Variants in SLC26A7 observed in about 807,000 individuals in gnomAD.
SLC26A7 encodes solute carrier family 26 member 7, also known as anion exchange transporter.
In SLC26A7, 59 loss-of-function variants were observed where a neutral mutation model predicts 82.5. The ratio of observed to expected loss-of-function variants is 0.72; its 90% confidence interval spans 0.58 to 0.89. The LOEUF is 0.89. SLC26A7 is among the 40% of genes least tolerant of loss of function. SLC26A7 has a pLI of 0.00. For missense variants in SLC26A7, 820 were observed against 793.0 expected, an observed-to-expected ratio of 1.03 and a Z score of -0.41; for synonymous variants, 271 against 274.3, an observed-to-expected ratio of 0.99 and a Z score of 0.12.
intron 2 of SLC26A7, among the ~76,000 whole-genome samples, chr8:91,221,924 TTGA>T (rs1189396463): frequency 6.6e-6 from 1 of 152,178 alleles, no homozygotes. Context: ...CAATGGTAGT[TTGA>T]TGGGAATAGC....
intron 2 of SLC26A7, among the ~76,000 whole-genome samples, chr8:91,242,425 C>G (rs2130686911): frequency 6.6e-6 from 1 of 152,152 alleles, no homozygotes; most frequent in Non-Finnish European, 1.5e-5. Context: ...GGCCTATATA[C>G]AGCATTCTTA....
intron 14 of SLC26A7, among the ~76,000 whole-genome samples, chr8:91,367,769 G>A (rs946708059): frequency 1.3e-5 from 2 of 152,162 alleles, no homozygotes; most frequent in Non-Finnish European, 2.9e-5. Context: ...TCTCCATGAA[G>A]CTTTCCTTGA....
intron 14 of SLC26A7, among the ~76,000 whole-genome samples, chr8:91,368,420 T>TTG (rs942710574): frequency 1.1e-4 from 17 of 150,012 alleles, no homozygotes; most frequent in Admixed American, 5.3e-4. Flanking sequence ...GAGGTTTTTT[T>TTG]TTTTGTTTTT....
At chr8:91,252,792 T>C (rs1276862415) in intron 2 of SLC26A7, among the ~76,000 whole-genome samples, 2 of 152,172 alleles carry the variant, frequency 1.3e-5, no homozygotes, top group South Asian at 4.1e-4. Context: ...TGTGATTATA[T>C]TTTGGCCAAG....
intron 5 of SLC26A7, among the ~76,000 whole-genome samples, chr8:91,322,759 C>A (rs530169767): frequency 1.8e-4 from 28 of 152,192 alleles, no homozygotes; most frequent in African/African-American, 6.5e-4. Context: ...ATATATTAAA[C>A]CCAAGAGCAA....
intron 5 of SLC26A7, among the ~76,000 whole-genome samples, chr8:91,329,222 G>A (rs1335636732): frequency 5.4e-5 from 8 of 148,530 alleles, no homozygotes; most frequent in African/African-American, 7.6e-5. Context: ...TATTAAATAA[G>A]CATATGTAAA....
chr8:91,278,329 C>T (rs1476181024), intron 2 of SLC26A7, among the ~76,000 whole-genome samples: 1 of 152,030 alleles, frequency 6.6e-6, no homozygotes, highest in Non-Finnish European at 1.5e-5. Context: ...TGAATTGATG[C>T]ATAAGAGATG....
Position 91,249,599 on chromosome 8 carries a change from T to C in SLC26A7, c.-53T>C, listed in dbSNP as rs935962081. 2 of 1,427,300 alleles carry C rather than the reference T, an allele frequency of 1.4e-6. No homozygotes were observed. The highest frequency in any genetic ancestry group is 5.2e-5 in the Admixed American group (2 of 38,510). 88.4% of individuals were successfully genotyped at this position (1,427,300 alleles called of 1,614,324 possible). On this transcript the variant is annotated 5_prime_UTR_variant, in exon 2 of 19. The change abolishes an upstream ATG in the 5' untranslated region. Coordinates refer to ENST00000276609, the MANE Select transcript of SLC26A7 (RefSeq NM_052832.4). ...GGCATTGAAAGGAGGTGTTCTGCAA[T>C]GATTTTTTTTCTTGTTTAGAGAAGT...
At chr8:91,280,237 C>A (rs759335054) in intron 2 of SLC26A7, among the ~76,000 whole-genome samples, 2 of 152,112 alleles carry the variant, frequency 1.3e-5, no homozygotes, top group Non-Finnish European at 2.9e-5. Context: ...ATAGTTTCAC[C>A]TTTTATGTGG....
intron 2 of SLC26A7, among the ~76,000 whole-genome samples, chr8:91,233,762 AGTTCACCTATGCTTTG>A (rs554077442): frequency 1.3e-5 from 2 of 152,298 alleles, no homozygotes; most frequent in Admixed American, 1.3e-4. Flanking sequence ...TTTTATTTTC[AGTTCACCTATGCTTTG>A]GTCATAGAGT....
chr8:91,355,041 C>T (rs1293300170), intron 11 of SLC26A7, among the ~76,000 whole-genome samples: 1 of 152,056 alleles, frequency 6.6e-6, no homozygotes, highest in Admixed American at 6.6e-5. Flanking sequence ...TGCTTGTTTT[C>T]ATACTAGAAG....
chr8:91,393,824 G>A lies in SLC26A7; in HGVS notation c.1804G>A (p.Val602Met). 1 of 1,613,724 alleles carries A rather than the reference G, an allele frequency of 6.2e-7. No homozygotes were observed. Among genetic ancestry groups the A allele is most frequent in the Non-Finnish European group, 8.5e-7 (1 of 1,179,666 alleles). The change falls in exon 17 of 19, where the codon GTG (valine) becomes ATG (methionine). Residue 602 changes from valine (V) to methionine (M), a missense_variant. Val to Met is a conservative substitution (Grantham distance 21). Transcript: ENST00000276609. ...EVYMDCKGRS[V>M]DVLLAHCTAS... is the part of the protein sequence containing the mutation. ...TTACATGGACTGTAAAGGCAGGAGTGTGGATGTATTGTTAGCCCATTGTAC... is the reference window on the plus strand; with the variant it reads ...TTACATGGACTGTAAAGGCAGGAGTATGGATGTATTGTTAGCCCATTGTAC...
Position 91,343,452 on chromosome 8 carries a change from G to A in SLC26A7, c.1126G>A (p.Gly376Arg). The A allele has an allele frequency of 2.5e-6, 4 of 1,611,480 alleles. No individual in the cohort carries two copies. Among genetic ancestry groups the A allele is most frequent in the Non-Finnish European group, 3.4e-6 (4 of 1,179,598 alleles). The change falls in exon 9 of 19, where the codon GGA (glycine) becomes AGA (arginine). Residue 376 changes from glycine (G) to arginine (R), a missense_variant. Physicochemically the swap from Gly to Arg is moderately radical, Grantham distance 125 (BLOSUM62 -2). Coordinates refer to ENST00000276609, the MANE Select transcript of SLC26A7 (RefSeq NM_052832.4). ...AAGGACGGCTGGCCTGTACAGCACA[G>A]GAGCGAAGACACAGGTAACTGAATT... ...MGRTAGLYST[G>R]AKTQVACLIS...
chr8:91,346,755 C>T (rs1037153894), intron 9 of SLC26A7, among the ~76,000 whole-genome samples: 2 of 152,164 alleles, frequency 1.3e-5, no homozygotes, highest in East Asian at 1.9e-4. Context: ...GTCTACCAGG[C>T]GCTGAGTGCG....
chr8:91,369,907 C>A, intron 15 of SLC26A7, 74 bp downstream of exon 15: 3 of 1,142,564 alleles, frequency 2.6e-6, no homozygotes, highest in Non-Finnish European at 3.9e-6. Flanking sequence ...AATCTTCTTC[C>A]CCTTCTCCTC....
chr8:91,235,477 C>T (rs1810382023), intron 2 of SLC26A7, among the ~76,000 whole-genome samples: 1 of 151,998 alleles, frequency 6.6e-6, no homozygotes, highest in African/African-American at 2.4e-5. Flanking sequence ...AATCAGAATT[C>T]CCACCAGTCT....
intron 2 of SLC26A7, among the ~76,000 whole-genome samples, chr8:91,241,316 T>C (rs1311728086): frequency 1.1e-5 from 1 of 93,554 alleles, no homozygotes; most frequent in Non-Finnish European, 2.4e-5. Flanking sequence ...AAGAAAGATA[T>C]TTCACATTAA....
chr8:91,311,806 G>C (rs939455844), intron 4 of SLC26A7, among the ~76,000 whole-genome samples: 3 of 152,168 alleles, frequency 2.0e-5, no homozygotes, highest in Admixed American at 6.5e-5. Context: ...TGTAGCAGGG[G>C]AATAGGAGCA....
At chr8:91,318,514 T>C in intron 5 of SLC26A7, 134 bp downstream of exon 5, 2 of 693,744 alleles carry the variant, frequency 2.9e-6, no homozygotes, top group Non-Finnish European at 4.4e-6. Context: ...ATAGGATATT[T>C]TGAGTGTGAC....
Sources: allele counts gnomAD v4.1 joint callset (sites outside exome capture counted in the v4.1 genomes callset), GRCh38; gene constraint gnomAD v4.1.1; transcripts MANE v1.5; gene names NCBI Gene and HGNC (gene_info 2026-07-23, HGNC 2026-07-21).